The following FAM13A variants were observed in gnomAD, a reference collection of about 807,000 sequenced individuals.
FAM13A encodes the protein protein FAM13A.
FAM13A carries 76 observed loss-of-function variants against 129.6 expected under a neutral mutation model. The observed-to-expected ratio is 0.59, with a 90% CI of 0.49 to 0.71. FAM13A has a LOEUF of 0.71. Among genes scored for constraint, FAM13A ranks in the 30% least tolerant of loss-of-function variants. The probability of loss-of-function intolerance (pLI) is 0.00; values close to 1 mark genes in which losing one functional copy is unlikely to be tolerated. For missense variants in FAM13A, 1,108 were observed against 1,249.3 expected (o/e 0.89, Z 1.70); for synonymous variants, 443 against 449.9 (o/e 0.98, Z 0.20).
At chr4:88,902,045 A>C (rs143573751) in intron 6 of FAM13A, among the ~76,000 whole-genome samples, 4 of 152,250 alleles carry the variant, frequency 2.6e-5, no homozygotes, top group Non-Finnish European at 4.4e-5. Context: ...CACCCTCCCA[A>C]GACTGAAACA....
intron 8 of FAM13A, among the ~76,000 whole-genome samples, chr4:88,797,895 T>C (rs962219557): frequency 2.0e-5 from 3 of 152,188 alleles, no homozygotes; most frequent in Admixed American, 6.5e-5. Flanking sequence ...AAAAATCAAT[T>C]CTCTAGATTC....
intron 7 of FAM13A, among the ~76,000 whole-genome samples, chr4:88,816,537 T>G (rs1219832320): frequency 1.3e-5 from 2 of 152,306 alleles, no homozygotes; most frequent in East Asian, 3.9e-4. Flanking sequence ...TCACTTTTAA[T>G]CTGTAGTGCA....
At position 88,915,254 on chromosome 4, in the gene FAM13A, G is replaced by T. The variant is rs922868279; in HGVS notation, c.760-8792C>A. Among the ~76,000 whole-genome samples, 5 of 152,192 alleles carry T rather than the reference G, an allele frequency of 3.3e-5. No individual in the cohort carries two copies. The South Asian group carries it at 1.0e-3, about 32-fold the overall frequency. On this transcript the variant is annotated intron_variant, in intron 5 of 23. Coordinates refer to ENST00000264344, the MANE Select transcript of FAM13A (RefSeq NM_014883.4). ...TATATCTCAAAATGAATCTCAATTT[G>T]ATTGACAGAAAAAAGTAGATTTTCT...
At chr4:88,736,049 A>G (rs1038303008) in intron 21 of FAM13A, among the ~76,000 whole-genome samples, 6 of 152,170 alleles carry the variant, frequency 3.9e-5, no homozygotes, top group Non-Finnish European at 5.9e-5. Context: ...TTTCATACAC[A>G]CAATTACCCA....
chr4:89,008,537 T>C (rs1173525693), intron 3 of FAM13A, among the ~76,000 whole-genome samples: 1 of 152,212 alleles, frequency 6.6e-6, no homozygotes, highest in African/African-American at 2.4e-5. Flanking sequence ...ACCCAGTCTG[T>C]ATTATTCTGT....
At chr4:88,758,338 G>T (rs755017415) in intron 14 of FAM13A, among the ~76,000 whole-genome samples, 1 of 152,102 alleles carries the variant, frequency 6.6e-6, no homozygotes, top group Non-Finnish European at 1.5e-5. Context: ...AAACGGGAAG[G>T]AGATTTCATG....
chr4:88,853,065 T>C (rs1008721352), intron 6 of FAM13A, among the ~76,000 whole-genome samples: 1 of 152,194 alleles, frequency 6.6e-6, no homozygotes, highest in African/African-American at 2.4e-5. Context: ...TACATAAAAT[T>C]TGCCCAAATC....
rs150391790 is a variant in FAM13A at position 88,864,024 on chromosome 4, G to A, written c.844-12841C>T. ...AGATCAAGAAGTAAACAAAAAAATCGGAATATATTGCGATAATAGAATTCG... is the reference window on the plus strand; with the variant it reads ...AGATCAAGAAGTAAACAAAAAAATCAGAATATATTGCGATAATAGAATTCG... On this transcript the variant is annotated intron_variant, in intron 6 of 23. Coordinates refer to ENST00000264344, the MANE Select transcript of FAM13A (RefSeq NM_014883.4). 1.4e-3 allele frequency among the ~76,000 whole-genome samples: 217 copies of A among 152,192 alleles called. 2 individuals are homozygous for A. Among genetic ancestry groups the A allele is most frequent in the Middle Eastern group, 0.01 (3 of 294 alleles).
chr4:89,049,327 C>T (rs10516824), intron 1 of FAM13A, among the ~76,000 whole-genome samples: 2,236 of 151,942 alleles, frequency 0.015, 59 homozygotes, highest in African/African-American at 0.051. Context: ...AGAATTACAG[C>T]GTTACAGTGT....
chr4:89,020,666 A>C lies in FAM13A; in HGVS notation c.221T>G (p.Leu74Arg), dbSNP rs749945334. 46 of 1,612,986 alleles carry C rather than the reference A, an allele frequency of 2.9e-5. No individual in the cohort carries two copies. The highest frequency in any genetic ancestry group is 3.6e-5 in the Non-Finnish European group (42 of 1,179,058). ...NIVEYLTQHG[L>R]TQEGLFRVNG... ...CACCCTAAAAAGACCTTCTTGGGTAAGTCCTGGAAGAGCAAAGTAGGCACA... is the reference window on the plus strand; with the variant it reads ...CACCCTAAAAAGACCTTCTTGGGTACGTCCTGGAAGAGCAAAGTAGGCACA... Residue 74 changes from leucine (L) to arginine (R), a missense_variant, in exon 3 of 24, where the codon CTT becomes CGT. Leu to Arg is a moderately radical substitution (Grantham distance 102). This residue lies in a region of FAM13A where 566 missense variants were observed against 595.7 expected (regional missense o/e 0.95). Coordinates refer to ENST00000264344, the MANE Select transcript of FAM13A (RefSeq NM_014883.4).
chr4:88,897,108 G>C (rs1419354583), intron 6 of FAM13A, among the ~76,000 whole-genome samples: 11 of 152,178 alleles, frequency 7.2e-5, no homozygotes, highest in Non-Finnish European at 1.6e-4. Flanking sequence ...TAGAGCCATA[G>C]CACCTGTGTC....
At chr4:88,953,244 C>G (rs1757223416) in intron 4 of FAM13A, among the ~76,000 whole-genome samples, 1 of 152,062 alleles carries the variant, frequency 6.6e-6, no homozygotes, top group Non-Finnish European at 1.5e-5. Flanking sequence ...CACCTGAGGT[C>G]AAGAGTTCGA....
intron 1 of FAM13A, among the ~76,000 whole-genome samples, 180 bp downstream of exon 1, chr4:89,056,758 T>C (rs1476067650): frequency 6.6e-6 from 1 of 152,214 alleles, no homozygotes; most frequent in Non-Finnish European, 1.5e-5. Context: ...ATATGCTGAA[T>C]GCCATCCCAA....
In FAM13A at chr4:88,966,635, C is replaced by T. The variant is rs543732265; in HGVS notation, c.605+24338G>A. On this transcript the variant is annotated intron_variant, in intron 4 of 23. Coordinates refer to ENST00000264344, the MANE Select transcript of FAM13A (RefSeq NM_014883.4). ...GTAGGTTCAACTAAAGTTGAATCCC[C>T]GGCAGTCAGTTACAATGGTCATTAT... Among the ~76,000 whole-genome samples the T allele has an allele frequency of 6.6e-4, 101 of 152,042 alleles. 3 individuals are homozygous for T. In the South Asian group the frequency reaches 0.021, roughly 31 times the overall value.
intron 7 of FAM13A, among the ~76,000 whole-genome samples, 167 bp from the exon 8 acceptor site, chr4:88,805,219 A>G (rs950256732): frequency 1.3e-5 from 2 of 152,230 alleles, no homozygotes; most frequent in African/African-American, 2.4e-5. Flanking sequence ...AGCCAAGGTC[A>G]ATTACTTCTT....
intron 1 of FAM13A, among the ~76,000 whole-genome samples, chr4:89,030,094 T>C (rs1768490276): frequency 6.6e-6 from 1 of 152,072 alleles, no homozygotes; most frequent in South Asian, 2.1e-4. Context: ...GAAAAAAAAA[T>C]TACAATGACC....
chr4:88,775,319 C>T (rs1721469621), intron 11 of FAM13A, among the ~76,000 whole-genome samples: 1 of 152,072 alleles, frequency 6.6e-6, no homozygotes, highest in Admixed American at 6.5e-5. Context: ...CCAGTAGAGA[C>T]ATTAAGAAAG....
rs1736624803 is a variant in FAM13A, at chr4:88,727,184, T to G, written c.*1349A>C. On this transcript the variant is annotated 3_prime_UTR_variant, in exon 24 of 24. Coordinates refer to ENST00000264344, the MANE Select transcript of FAM13A (RefSeq NM_014883.4). ...AGAGCTCCTGAAGCACCTTCTCTGG[T>G]CAGCCGTGGCAGGCGAGCAGATGCC... 1 of 152,684 alleles carries G rather than the reference T, an allele frequency of 6.5e-6. No individual in the cohort carries two copies. The highest frequency in any genetic ancestry group is 6.5e-5 in the Admixed American group (1 of 15,280). The allele number at this position is 152,684 out of a possible 1,614,324, so 9.5% of individuals were successfully genotyped here. A position where few individuals can be genotyped will look rare whatever the true frequency, so the allele number is the denominator to read the frequency against.
intron 3 of FAM13A, among the ~76,000 whole-genome samples, chr4:89,001,595 C>T (rs1764251223): frequency 6.6e-6 from 1 of 152,168 alleles, no homozygotes; most frequent in African/African-American, 2.4e-5. Context: ...GGAAATATAT[C>T]ATATGCTTGT....
Sources: gnomAD v4.1 joint callset for allele counts (sites outside exome capture counted in the v4.1 genomes callset) on GRCh38, gnomAD v4.1.1 for gene constraint, gnomAD v4.1.1 regional missense constraint, MANE v1.5 for transcripts, NCBI Gene and HGNC (gene_info 2026-07-23, HGNC 2026-07-21) for gene names.